UGT2B4: variants seen among roughly 807,000 people sequenced by gnomAD.
The protein encoded by UGT2B4 is UDP-glucuronosyltransferase 2B4.
UGT2B4 carries 49 observed loss-of-function variants against 49.8 expected under a neutral mutation model. The ratio of observed to expected loss-of-function variants is 0.98; its 90% CI spans 0.78 to 1.25. The LOEUF (loss-of-function observed/expected upper bound fraction) is 1.25, where lower values mean the gene tolerates loss of function less well. Among genes scored for constraint, UGT2B4 ranks in the 50% most tolerant of loss-of-function variants. The probability of loss-of-function intolerance (pLI) is 0.00; values close to 1 mark genes in which losing one functional copy is unlikely to be tolerated. For synonymous variants in UGT2B4, 246 were observed against 217.7 expected (o/e 1.13, Z -1.14); for missense variants, 729 against 627.7 (o/e 1.16, Z -1.73).
At chr4:69,514,237 C>G (rs1005690473) in intron 1 of UGT2B4, among the ~76,000 whole-genome samples, 1 of 152,094 alleles carries the variant, frequency 6.6e-6, no homozygotes. Context: ...TATCCCTCCC[C>G]ACTCCCACAA....
chr4:69,493,335 T>G (rs895443564), intron 2 of UGT2B4, among the ~76,000 whole-genome samples: 3 of 152,086 alleles, frequency 2.0e-5, no homozygotes, highest in Admixed American at 6.6e-5. Flanking sequence ...TCTTTCAAAA[T>G]AGAATGTAAG....
intron 1 of UGT2B4, among the ~76,000 whole-genome samples, chr4:69,509,202 A>C (rs1577899746): frequency 2.6e-5 from 3 of 116,850 alleles, no homozygotes; most frequent in Non-Finnish European, 5.0e-5. Context: ...ACAGGGTCTC[A>C]CTCTGCTACC....
chr4:69,507,395 A>T (rs186261978), intron 1 of UGT2B4, among the ~76,000 whole-genome samples: 13 of 152,358 alleles, frequency 8.5e-5, no homozygotes, highest in Admixed American at 2.0e-4. Context: ...TTCAATGTGC[A>T]GAAATCACTA....
At position 69,510,531 on chromosome 4, in the gene UGT2B4, A is replaced by G. The variant is rs551400390; in HGVS notation, c.-105-14565T>C. ...GTGTATTTTTAATTTGCATTCATCA[A>G]TGTTTTGTAGTTTTTGATAACACTT... On this transcript the variant is annotated intron_variant, in intron 1 of 1. Coordinates refer to the UGT2B4 transcript ENST00000510114. 5.3e-5 allele frequency among the ~76,000 whole-genome samples: 8 copies of G among 152,088 alleles called. No individual in the cohort carries two copies. In the South Asian group the frequency reaches 8.3e-4, roughly 16 times the overall value.
Position 69,480,508 on chromosome 4 carries a change from A to G in UGT2B4, c.*126T>C, listed in dbSNP as rs755153405. ...GTACTAAAACAAATTTTGACTTGACAAGGTAAGTTTTGAAAGATGTTTTGT... is the reference window on the plus strand; with the variant it reads ...GTACTAAAACAAATTTTGACTTGACGAGGTAAGTTTTGAAAGATGTTTTGT... On this transcript the variant is annotated 3_prime_UTR_variant, in exon 6 of 6. Transcript: ENST00000305107. 9.0e-6 allele frequency: 13 copies of G among 1,440,504 alleles called. No individual in the cohort carries two copies. Among genetic ancestry groups the G allele is most frequent in the Non-Finnish European group, 1.2e-5 (13 of 1,075,064 alleles). 89.2% of individuals were successfully genotyped at this position (1,440,504 alleles called of 1,614,324 possible).
intron 1 of UGT2B4, 32 bp downstream of exon 1, chr4:69,495,109 T>C: frequency 6.7e-7 from 1 of 1,498,192 alleles, no homozygotes; most frequent in Non-Finnish European, 8.9e-7. Flanking sequence ...GAAAGTTAGA[T>C]CTTCATGTTA....
In UGT2B4 at chr4:69,490,767, T is replaced by C. The variant is rs540604341; in HGVS notation, c.871-1197A>G. Among the ~76,000 whole-genome samples, 16 of 152,308 alleles carry C rather than the reference T, an allele frequency of 1.1e-4. 1 individual carries two copies. The highest frequency in any genetic ancestry group is 2.9e-4 in the African/African-American group (12 of 41,578). ...AATGATGTTAGAGTCATTGTTCTGC[T>C]ATTCAAGGTAATACATAGGATATCC... On this transcript the variant is annotated intron_variant, in intron 2 of 5. Transcript: ENST00000305107.
upstream of UGT2B4, among the ~76,000 whole-genome samples, chr4:69,496,550 T>C (rs1004355977): frequency 6.6e-6 from 1 of 152,196 alleles, no homozygotes; most frequent in Non-Finnish European, 1.5e-5. Flanking sequence ...AATTATCAAT[T>C]ATTGTGTAAA....
upstream of UGT2B4, among the ~76,000 whole-genome samples, chr4:69,499,729 TC>T (rs1472732010): frequency 6.6e-6 from 1 of 152,188 alleles, no homozygotes; most frequent in African/African-American, 2.4e-5. Flanking sequence ...TTTTCTTCCA[TC>T]CCTTTATTTT....
intron 1 of UGT2B4, among the ~76,000 whole-genome samples, chr4:69,521,307 C>A (rs975028349): frequency 6.6e-6 from 1 of 152,174 alleles, no homozygotes; most frequent in Non-Finnish European, 1.5e-5. Context: ...AGAGCTGTAG[C>A]TCTTTGGGGA....
At chr4:69,496,980 A>T (rs1372677036), upstream of UGT2B4, among the ~76,000 whole-genome samples, 1 of 151,666 alleles carries the variant, frequency 6.6e-6, no homozygotes, top group Non-Finnish European at 1.5e-5. Flanking sequence ...CCAAGCCTGT[A>T]GTACATTCAG....
chr4:69,486,463 C>T (rs41297425), intron 4 of UGT2B4, 146 bp downstream of exon 4: 19,980 of 461,130 alleles, frequency 0.043, 499 homozygotes, highest in Middle Eastern at 0.046. Flanking sequence ...TCTTTTCCCC[C>T]GGGACTGGAA....
At chr4:69,506,455 GCACAAGAACTA>G (rs1728470475) in intron 1 of UGT2B4, among the ~76,000 whole-genome samples, 1 of 152,072 alleles carries the variant, frequency 6.6e-6, no homozygotes, top group African/African-American at 2.4e-5. Flanking sequence ...ACACCTCTAT[GCACAAGAACTA>G]CAAAATGTAG....
At chr4:69,483,236 C>G (rs200444458) in intron 5 of UGT2B4, among the ~76,000 whole-genome samples, 3 of 152,148 alleles carry the variant, frequency 2.0e-5, no homozygotes, top group Non-Finnish European at 2.9e-5. Context: ...ATCTTATACT[C>G]TTTATGATAT....
chr4:69,520,230 C>A (rs545162511), intron 1 of UGT2B4, among the ~76,000 whole-genome samples: 18 of 152,232 alleles, frequency 1.2e-4, no homozygotes, highest in Non-Finnish European at 2.5e-4. Flanking sequence ...GATTTTAATT[C>A]AAAAACATTA....
At chr4:69,493,946 T>G in intron 1 of UGT2B4, 105 bp from the exon 2 acceptor site, 8 of 1,319,406 alleles carry the variant, frequency 6.1e-6, no homozygotes, top group Non-Finnish European at 8.2e-6. Flanking sequence ...AGGCAAAGTG[T>G]TTGTGCCTTG....
chr4:69,524,935 G>T (rs1045800639), intron 1 of UGT2B4, among the ~76,000 whole-genome samples: 1 of 152,148 alleles, frequency 6.6e-6, no homozygotes, highest in African/African-American at 2.4e-5. Flanking sequence ...CTAACGGAAA[G>T]AATTCACAGT....
chr4:69,523,322 T>C (rs541849197), intron 1 of UGT2B4, among the ~76,000 whole-genome samples: 8 of 152,246 alleles, frequency 5.3e-5, no homozygotes, highest in African/African-American at 1.9e-4. Context: ...ATTTCTTAAA[T>C]GATAAAACTT....
chr4:69,494,185 C>T (rs1728077601), intron 1 of UGT2B4, among the ~76,000 whole-genome samples: 1 of 152,088 alleles, frequency 6.6e-6, no homozygotes, highest in African/African-American at 2.4e-5. Context: ...ATAAACCACT[C>T]TTTGAGCTCC....
Sources: gnomAD v4.1 joint callset for allele counts (sites outside exome capture counted in the v4.1 genomes callset) on GRCh38, gnomAD v4.1.1 for gene constraint, MANE v1.5 for transcripts, NCBI Gene and HGNC (gene_info 2026-07-23, HGNC 2026-07-21) for gene names.